LRRTM4: variants seen among roughly 807,000 people sequenced by gnomAD.
The protein encoded by LRRTM4 is leucine rich repeat transmembrane neuronal 4.
Under a neutral mutation model 47.6 loss-of-function variants are expected in LRRTM4, and 25 were observed. The observed-to-expected ratio is 0.53, with a 90% confidence interval of 0.38 to 0.73. LRRTM4 has a LOEUF of 0.73. Among genes scored for constraint, LRRTM4 ranks in the 30% least tolerant of loss-of-function variants. The pLI is 0.00. For synonymous variants in LRRTM4, 311 were observed against 269.5 expected (o/e 1.15, Z -1.51); for missense variants, 638 against 713.4 (o/e 0.89, Z 1.20).
At chr2:77,119,525 T>A (rs1285210970) in intron 3 of LRRTM4, among the ~76,000 whole-genome samples, 5 of 151,792 alleles carry the variant, frequency 3.3e-5, no homozygotes, top group African/African-American at 1.2e-4. Flanking sequence ...AGCTATCAAA[T>A]AACCATTTAT....
Position 77,404,333 on chromosome 2 carries a change from CT to C in LRRTM4, c.1551+113984del, listed in dbSNP as rs201268526. On this transcript the variant is annotated intron_variant, in intron 3 of 3. Transcript: ENST00000409884. ...TCACTATCTCTAATTTTCCCATCAT[CT>C]TTTTTTCTTCAGCTGGCTACTACAA... Among the ~76,000 whole-genome samples, 229 of 152,166 alleles carry C rather than the reference CT, an allele frequency of 1.5e-3. 6 individuals are homozygous for C. In the East Asian group the frequency reaches 0.028, roughly 18 times the overall value.
At chr2:77,306,987 C>T (rs1457182156) in intron 3 of LRRTM4, among the ~76,000 whole-genome samples, 2 of 146,642 alleles carry the variant, frequency 1.4e-5, no homozygotes, top group East Asian at 2.0e-4. Flanking sequence ...GCAAGCTCCG[C>T]CTCCCGGGTT....
chr2:76,775,498 G>T (rs1573080108), intron 3 of LRRTM4, among the ~76,000 whole-genome samples: 1 of 152,094 alleles, frequency 6.6e-6, no homozygotes, highest in Non-Finnish European at 1.5e-5. Context: ...TACTGGAAAG[G>T]TATTTTTTGA....
intron 3 of LRRTM4, among the ~76,000 whole-genome samples, chr2:77,232,459 G>T (rs1239187312): frequency 6.6e-6 from 1 of 152,130 alleles, no homozygotes; most frequent in Non-Finnish European, 1.5e-5. Context: ...ACAAAATATT[G>T]CCCTGTTTTG....
At chr2:77,085,506 T>A (rs1680682322) in intron 3 of LRRTM4, among the ~76,000 whole-genome samples, 1 of 151,958 alleles carries the variant, frequency 6.6e-6, no homozygotes, top group Non-Finnish European at 1.5e-5. Flanking sequence ...TTTATATAGT[T>A]TCCTATTCTC....
intron 3 of LRRTM4, among the ~76,000 whole-genome samples, chr2:77,256,506 G>A (rs558545315): frequency 1.1e-4 from 16 of 152,154 alleles, no homozygotes; most frequent in African/African-American, 2.9e-4. Flanking sequence ...TTGAATCATG[G>A]GGGTGCATCT....
chr2:76,816,975 C>G lies in LRRTM4; in HGVS notation c.1552-68059G>C, dbSNP rs557201028. Among the ~76,000 whole-genome samples the G allele has an allele frequency of 2.6e-5, 4 of 151,368 alleles. No homozygotes were observed. The East Asian group carries it at 7.8e-4, about 30-fold the overall frequency. ...ATTGCAGTCTATAGAGTCAAAGATA[C>G]AGTCCTGTAATTGTGCTCTGGGTGT... is the stretch of plus-strand genomic sequence containing the variant. On this transcript the variant is annotated intron_variant, in intron 3 of 3. Coordinates refer to ENST00000409884, the MANE Select transcript of LRRTM4 (RefSeq NM_001134745.3).
chr2:77,025,347 C>T (rs545586484), intron 3 of LRRTM4, among the ~76,000 whole-genome samples: 265 of 152,256 alleles, frequency 1.7e-3, no homozygotes, highest in African/African-American at 6.2e-3. Flanking sequence ...TTGAATAGTA[C>T]TAGGTCCTTC....
At chr2:76,856,405 A>G (rs1462846709) in intron 3 of LRRTM4, among the ~76,000 whole-genome samples, 2 of 152,212 alleles carry the variant, frequency 1.3e-5, no homozygotes, top group Admixed American at 1.3e-4. Context: ...GTGCCTGTTA[A>G]GAAGGTCTCT....
At chr2:77,080,202 G>A (rs1054273878) in intron 3 of LRRTM4, among the ~76,000 whole-genome samples, 10 of 152,088 alleles carry the variant, frequency 6.6e-5, no homozygotes, top group Non-Finnish European at 1.3e-4. Context: ...AATTCTTTCT[G>A]TACTTGGCTT....
Position 76,864,910 on chromosome 2 carries a change from T to C in LRRTM4, c.1552-115994A>G, listed in dbSNP as rs571764716. ...TCAGCTGTTTTTTTTTTTTTTTTAA[T>C]TTTTTTTATAGAGACAGGGTACCAC... On this transcript the variant is annotated intron_variant, in intron 3 of 3. Coordinates refer to ENST00000409884, the MANE Select transcript of LRRTM4 (RefSeq NM_001134745.3). 2.7e-5 allele frequency among the ~76,000 whole-genome samples: 4 copies of C among 150,858 alleles called. No homozygotes were observed. In the South Asian group the frequency reaches 8.4e-4, roughly 32 times the overall value.
chr2:77,348,453 T>A (rs1671646636), intron 3 of LRRTM4, among the ~76,000 whole-genome samples: 1 of 150,724 alleles, frequency 6.6e-6, no homozygotes. Flanking sequence ...ACATTTAATA[T>A]TATAAAATAA....
chr2:76,899,534 A>G (rs1416591459), intron 3 of LRRTM4, among the ~76,000 whole-genome samples: 6 of 152,114 alleles, frequency 3.9e-5, no homozygotes, highest in African/African-American at 1.4e-4. Flanking sequence ...CTGGGAGAAG[A>G]TATCCTACAT....
chr2:77,253,740 T>C (rs1444465691), intron 3 of LRRTM4, among the ~76,000 whole-genome samples: 2 of 151,974 alleles, frequency 1.3e-5, no homozygotes, highest in African/African-American at 2.4e-5. Context: ...AAATAGAATA[T>C]ATAAAAAAGA....
chr2:76,806,688 A>T (rs1675984900), intron 3 of LRRTM4, among the ~76,000 whole-genome samples: 1 of 152,192 alleles, frequency 6.6e-6, no homozygotes. Context: ...TGAAAAGAGA[A>T]GTTAAAAATG....
chr2:76,807,403 TATACGTATATATATA>T (rs1670525169), intron 3 of LRRTM4, among the ~76,000 whole-genome samples: 1 of 102,792 alleles, frequency 9.7e-6, no homozygotes, highest in African/African-American at 4.6e-5. Flanking sequence ...TATATATGTA[TATACGTATATATATA>T]TATATACATA....
chr2:76,902,791 T>C (rs1423713580), intron 3 of LRRTM4, among the ~76,000 whole-genome samples: 5 of 152,170 alleles, frequency 3.3e-5, no homozygotes, highest in African/African-American at 1.2e-4. Flanking sequence ...TTTTAAACTA[T>C]TCTATTGAGT....
At chr2:77,095,061 C>T (rs1246056906) in intron 3 of LRRTM4, among the ~76,000 whole-genome samples, 2 of 152,130 alleles carry the variant, frequency 1.3e-5, no homozygotes, top group Non-Finnish European at 2.9e-5. Flanking sequence ...ATGTAAGAAA[C>T]TCAAACAATT....
chr2:77,236,206 T>A (rs977030675), intron 3 of LRRTM4, among the ~76,000 whole-genome samples: 1 of 152,110 alleles, frequency 6.6e-6, no homozygotes, highest in African/African-American at 2.4e-5. Context: ...TAACAGTGTT[T>A]TGTTTTTCCC....
Sources: gnomAD v4.1 joint callset for allele counts (sites outside exome capture counted in the v4.1 genomes callset) on GRCh38, gnomAD v4.1.1 for gene constraint, MANE v1.5 for transcripts, NCBI Gene and HGNC (gene_info 2026-07-23, HGNC 2026-07-21) for gene names.